The following PPP1R1C variants were observed in gnomAD, a reference collection of about 807,000 sequenced individuals.
PPP1R1C encodes the protein protein phosphatase 1 regulatory inhibitor subunit 1C.
PPP1R1C carries 15 observed loss-of-function variants against 17.4 expected under a neutral mutation model. The ratio of observed to expected loss-of-function variants is 0.86; its 90% CI spans 0.58 to 1.33. The LOEUF is 1.33. PPP1R1C is among the 40% of genes most tolerant of loss of function. PPP1R1C has a pLI of 0.00. For missense variants in PPP1R1C, 143 were observed against 130.0 expected, an observed-to-expected ratio of 1.10 and a Z score of -0.48; for synonymous variants, 35 against 43.1, an observed-to-expected ratio of 0.81 and a Z score of 0.73.
rs745937702 is a variant in PPP1R1C at position 182,117,332 on chromosome 2, C to T, written c.*37C>T. ...CAGCAAGAAGGCTTCTTGGAAATAA[C>T]TGAACTATTAACTTTTCTGAGTATA... On this transcript the variant is annotated 3_prime_UTR_variant, in exon 5 of 5. Transcript: ENST00000682840. 3 of 1,422,624 alleles carry T rather than the reference C, an allele frequency of 2.1e-6. No individual in the cohort carries two copies. Among genetic ancestry groups the T allele is most frequent in the South Asian group, 1.3e-5 (1 of 77,856 alleles). 88.1% of individuals were successfully genotyped at this position (1,422,624 alleles called of 1,614,324 possible).
intron 2 of PPP1R1C, among the ~76,000 whole-genome samples, chr2:182,033,758 C>T (rs1686915753): frequency 6.6e-6 from 1 of 152,114 alleles, no homozygotes; most frequent in South Asian, 2.1e-4. Flanking sequence ...CAAAAATTTT[C>T]TAAGAAGTGC....
At chr2:182,026,417 T>C in intron 2 of PPP1R1C, among the ~76,000 whole-genome samples, 2 of 135,428 alleles carry the variant, frequency 1.5e-5, no homozygotes, top group Non-Finnish European at 1.6e-5. Context: ...CAGTTTCAGC[T>C]TTCTACATAT....
Position 181,975,021 on chromosome 2 carries a change from T to G in PPP1R1C, n.112-198T>G, listed in dbSNP as rs527342253. ...CTAAAATTCTGATGACTGTCAAGAT[T>G]GTGTCAGACATCAATCATATGGGGT... On this transcript the variant is annotated intron_variant and non_coding_transcript_variant, in intron 1 of 5. Coordinates refer to the PPP1R1C transcript ENST00000464264. 4.8e-4 allele frequency among the ~76,000 whole-genome samples: 73 copies of G among 152,218 alleles called. No individual in the cohort carries two copies. The Middle Eastern group carries it at 0.014, about 28-fold the overall frequency.
At chr2:182,003,721 T>A (rs968401523) in intron 2 of PPP1R1C, among the ~76,000 whole-genome samples, 31 of 151,622 alleles carry the variant, frequency 2.0e-4, no homozygotes, top group African/African-American at 5.8e-4. Context: ...TGTGTGTGTA[T>A]GTAAAATGGA....
At chr2:182,023,772 C>T (rs1686505824) in intron 2 of PPP1R1C, 1 of 151,968 alleles carries the variant, frequency 6.6e-6, no homozygotes, top group South Asian at 2.1e-4. Context: ...AGGCATGCAC[C>T]ATCATGCCTG....
intron 2 of PPP1R1C, among the ~76,000 whole-genome samples, chr2:181,997,986 C>T (rs574131773): frequency 6.6e-6 from 1 of 152,226 alleles, no homozygotes; most frequent in South Asian, 2.1e-4. Flanking sequence ...TGAACCTGTC[C>T]TATGTGTTTT....
Position 181,987,676 on chromosome 2 carries a change from T to C in PPP1R1C, c.82-163T>C, listed in dbSNP as rs1685342654. 7.7e-6 allele frequency: 5 copies of C among 651,636 alleles called. No individual in the cohort carries two copies. In the South Asian group the frequency reaches 9.3e-5, roughly 12 times the overall value. The allele number at this position is 651,636 out of a possible 1,614,324, so 40.4% of individuals were successfully genotyped here. A position where few individuals can be genotyped will look rare whatever the true frequency, so the allele number is the denominator to read the frequency against. On this transcript the variant is annotated intron_variant, in intron 1 of 4. Coordinates refer to ENST00000682840, the MANE Select transcript of PPP1R1C (RefSeq NM_001080545.3). ...CAGACAGTTCAATTCTGTGGCTTTC[T>C]ATTATTTCAAAATAAAATTAGTGAG... is the stretch of plus-strand genomic sequence containing the variant.
intron 2 of PPP1R1C, among the ~76,000 whole-genome samples, chr2:182,013,719 T>A (rs1054376744): frequency 2.0e-5 from 3 of 152,164 alleles, no homozygotes; most frequent in Admixed American, 6.5e-5. Flanking sequence ...TTAATTCTTA[T>A]CTATTCTTTT....
chr2:182,114,535 CA>C (rs1218175217), intron 4 of PPP1R1C, among the ~76,000 whole-genome samples: 4 of 152,134 alleles, frequency 2.6e-5, no homozygotes, highest in African/African-American at 9.7e-5. Context: ...CATCTATAAT[CA>C]GATGAATATT....
intron 4 of PPP1R1C, among the ~76,000 whole-genome samples, chr2:182,077,765 A>G (rs573983158): frequency 3.0e-4 from 46 of 152,328 alleles, no homozygotes; most frequent in Non-Finnish European, 6.2e-4. Context: ...GCAATGAAAC[A>G]GAAGCACTTC....
upstream of PPP1R1C, among the ~76,000 whole-genome samples, chr2:181,983,952 C>T (rs1685240654): frequency 6.6e-6 from 1 of 152,140 alleles, no homozygotes; most frequent in Non-Finnish European, 1.5e-5. Flanking sequence ...AATATTGTCT[C>T]TGATCAACCT....
intron 2 of PPP1R1C, among the ~76,000 whole-genome samples, chr2:182,034,697 G>A (rs1041925578): frequency 6.6e-6 from 1 of 152,200 alleles, no homozygotes; most frequent in Non-Finnish European, 1.5e-5. Flanking sequence ...TCAGAAATGT[G>A]CGAATGTCAA....
chr2:182,012,531 A>G (rs1271406810), intron 2 of PPP1R1C, among the ~76,000 whole-genome samples: 2 of 152,022 alleles, frequency 1.3e-5, no homozygotes, highest in East Asian at 1.9e-4. Flanking sequence ...TGTAGGCAAC[A>G]TAGTTGGGTC....
chr2:181,994,106 G>A (rs192961584), intron 2 of PPP1R1C, among the ~76,000 whole-genome samples: 3 of 152,148 alleles, frequency 2.0e-5, no homozygotes. Flanking sequence ...TGTAGTGTTG[G>A]TTTAACTGAG....
rs141788254 is a variant in PPP1R1C, at chr2:182,011,030, T to C, written c.142+23131T>C. On this transcript the variant is annotated intron_variant, in intron 2 of 4. Coordinates refer to ENST00000682840, the MANE Select transcript of PPP1R1C (RefSeq NM_001080545.3). ...GTTATTGAATTCCATTTGCTAGTAT[T>C]TTGTTGAGAATTTTTGCATCATTGT... 2.0e-5 allele frequency among the ~76,000 whole-genome samples: 3 copies of C among 152,258 alleles called. No individual in the cohort carries two copies. The East Asian group carries it at 5.8e-4, about 29-fold the overall frequency.
At chr2:182,047,909 T>C (rs1476302583) in intron 2 of PPP1R1C, among the ~76,000 whole-genome samples, 1 of 152,172 alleles carries the variant, frequency 6.6e-6, no homozygotes, top group Non-Finnish European at 1.5e-5. Context: ...GAGTTCTTTT[T>C]GAATAAATCA....
intron 4 of PPP1R1C, among the ~76,000 whole-genome samples, chr2:182,064,836 C>T (rs1034045262): frequency 4.6e-5 from 7 of 151,998 alleles, no homozygotes; most frequent in Middle Eastern, 3.4e-3. Context: ...ATATTTTCCC[C>T]GTTGTAAGTG....
At chr2:182,115,662 A>G (rs1180387053) in intron 4 of PPP1R1C, among the ~76,000 whole-genome samples, 1 of 152,170 alleles carries the variant, frequency 6.6e-6, no homozygotes, top group African/African-American at 2.4e-5. Flanking sequence ...TTCTCCCTAC[A>G]GTCTTAGATC....
intron 2 of PPP1R1C, among the ~76,000 whole-genome samples, chr2:182,026,884 C>A (rs1164995995): frequency 2.0e-5 from 3 of 146,448 alleles, no homozygotes; most frequent in African/African-American, 7.6e-5. Context: ...CTTTTATTTC[C>A]TTGAGCAGTG....
Sources: allele counts gnomAD v4.1 joint callset (sites outside exome capture counted in the v4.1 genomes callset), GRCh38; gene constraint gnomAD v4.1.1; transcripts MANE v1.5; gene names NCBI Gene and HGNC (gene_info 2026-07-23, HGNC 2026-07-21).